MACROD2: variants seen among roughly 807,000 people sequenced by gnomAD.
MACROD2 encodes mono-ADP ribosylhydrolase 2.
Under a neutral mutation model 70.4 loss-of-function variants are expected in MACROD2, and 36 were observed. The ratio of observed to expected loss-of-function variants is 0.51; its 90% CI spans 0.39 to 0.68. MACROD2 has a LOEUF of 0.68. MACROD2 is among the 30% of genes least tolerant of loss of function. MACROD2 has a pLI of 0.00. For synonymous variants in MACROD2, 172 were observed against 178.8 expected, an observed-to-expected ratio of 0.96 and a Z score of 0.30; for missense variants, 496 against 538.4, an observed-to-expected ratio of 0.92 and a Z score of 0.78.
intron 8 of MACROD2, among the ~76,000 whole-genome samples, chr20:15,515,707 T>C (rs563869941): frequency 1.3e-5 from 2 of 152,364 alleles, no homozygotes; most frequent in Admixed American, 6.5e-5. Context: ...TGAGCATGTA[T>C]AAAGCCAGTG....
rs533840697 is a variant in MACROD2, at chr20:14,078,122, G to A, written c.164-7499G>A. 2.6e-5 allele frequency among the ~76,000 whole-genome samples: 4 copies of A among 152,074 alleles called. No individual in the cohort carries two copies. In the East Asian group the frequency reaches 5.8e-4, roughly 22 times the overall value. ...TCTCCATGTTGGTCAGGCTGATCTCGAACTTCCGAACTCAGGTGATCCGCC... is the reference window on the plus strand; with the variant it reads ...TCTCCATGTTGGTCAGGCTGATCTCAAACTTCCGAACTCAGGTGATCCGCC... On this transcript the variant is annotated intron_variant, in intron 2 of 17. Coordinates refer to ENST00000684519, the MANE Select transcript of MACROD2 (RefSeq NM_001351661.2).
At chr20:14,785,681 TG>T (rs2072361293) in intron 5 of MACROD2, among the ~76,000 whole-genome samples, 1 of 152,128 alleles carries the variant, frequency 6.6e-6, no homozygotes, top group African/African-American at 2.4e-5. Flanking sequence ...GTATTATTTT[TG>T]CTTCTTATTG....
intron 5 of MACROD2, among the ~76,000 whole-genome samples, chr20:15,132,043 A>C (rs187262085): frequency 1.3e-5 from 2 of 152,034 alleles, no homozygotes; most frequent in African/African-American, 4.8e-5. Context: ...AAACAGTTAA[A>C]TGCTAACAAA....
At chr20:14,582,899 C>A (rs1329841922) in intron 4 of MACROD2, among the ~76,000 whole-genome samples, 2 of 152,164 alleles carry the variant, frequency 1.3e-5, no homozygotes, top group African/African-American at 2.4e-5. Context: ...ATCACACTTA[C>A]TCTGGGGCAT....
At position 15,435,527 on chromosome 20, in the gene MACROD2, C is replaced by A. The variant is rs553723536; in HGVS notation, c.571+4092C>A. Reference sequence around the variant, plus strand: ...CTCTACCCACTCCATTTGAAGATCACCATGTTCCCTGTCCTCCCCAGTGTT... The same window carrying A: ...CTCTACCCACTCCATTTGAAGATCAACATGTTCCCTGTCCTCCCCAGTGTT... On this transcript the variant is annotated intron_variant, in intron 7 of 17. Transcript: ENST00000684519. Among the ~76,000 whole-genome samples the A allele has an allele frequency of 1.3e-4, 20 of 152,262 alleles. No individual in the cohort carries two copies. The South Asian group carries it at 3.7e-3, about 28-fold the overall frequency.
chr20:14,488,111 T>C (rs2084756036), intron 3 of MACROD2, among the ~76,000 whole-genome samples: 1 of 152,228 alleles, frequency 6.6e-6, no homozygotes, highest in Non-Finnish European at 1.5e-5. Context: ...TTCTCTCAAA[T>C]AAGCATATCT....
chr20:15,973,724 A>G (rs577076286), intron 13 of MACROD2, among the ~76,000 whole-genome samples: 6 of 152,252 alleles, frequency 3.9e-5, no homozygotes, highest in African/African-American at 1.4e-4. Flanking sequence ...CTTTAAAAGT[A>G]TAAAGTTAGA....
intron 2 of MACROD2, among the ~76,000 whole-genome samples, chr20:14,034,072 C>T (rs972841648): frequency 1.3e-5 from 2 of 152,036 alleles, no homozygotes; most frequent in African/African-American, 4.8e-5. Flanking sequence ...CCAGGGTTCA[C>T]GCCATTCTCC....
chr20:15,995,649 C>CATTTTTTTTT (rs2066618852), intron 15 of MACROD2, among the ~76,000 whole-genome samples: 2 of 85,508 alleles, frequency 2.3e-5, no homozygotes, highest in African/African-American at 8.4e-5. Context: ...TATGCCCGGC[C>CATTTTTTTTT]TTTTTTTTTT....
At chr20:14,983,263 C>T (rs951769129) in intron 5 of MACROD2, among the ~76,000 whole-genome samples, 3 of 152,120 alleles carry the variant, frequency 2.0e-5, no homozygotes, top group Admixed American at 1.3e-4. Context: ...GGCTCATAGG[C>T]AGAAGGGACT....
rs73898334 is a variant in MACROD2, at chr20:16,028,917, T to C, written c.1154-12284T>C. On this transcript the variant is annotated intron_variant, in intron 15 of 17. Coordinates refer to ENST00000684519, the MANE Select transcript of MACROD2 (RefSeq NM_001351661.2). ...AAGCATGGACTAAGTGTAAATCAAG[T>C]GTATCCATCTGCTCGGCTGCCATAA... 6.5e-3 allele frequency among the ~76,000 whole-genome samples: 987 copies of C among 152,270 alleles called. 13 individuals carry two copies. Among genetic ancestry groups the C allele is most frequent in the African/African-American group, 0.023 (946 of 41,550 alleles).
intron 3 of MACROD2, among the ~76,000 whole-genome samples, chr20:14,267,061 G>A (rs1348094353): frequency 1.3e-5 from 2 of 152,122 alleles, no homozygotes; most frequent in Non-Finnish European, 2.9e-5. Flanking sequence ...ATTAATGGTA[G>A]TGTCAGGTCT....
At chr20:14,026,720 G>T (rs1454016335) in intron 2 of MACROD2, among the ~76,000 whole-genome samples, 1 of 152,206 alleles carries the variant, frequency 6.6e-6, no homozygotes, top group Non-Finnish European at 1.5e-5. Context: ...TCTGCTGTTA[G>T]TCTGATGGGC....
chr20:15,880,321 A>G (rs6043590), intron 9 of MACROD2, among the ~76,000 whole-genome samples: 27,011 of 151,756 alleles, frequency 0.18, 3,225 homozygotes, highest in East Asian at 0.52. Flanking sequence ...CATCTTGATG[A>G]TTCACGTCCA....
At chr20:15,942,429 G>C (rs1175206732) in intron 12 of MACROD2, among the ~76,000 whole-genome samples, 1 of 152,172 alleles carries the variant, frequency 6.6e-6, no homozygotes, top group Non-Finnish European at 1.5e-5. Flanking sequence ...AAGCTGGCCT[G>C]GGAAAAGATT....
At chr20:15,171,157 C>G (rs1301676023) in intron 5 of MACROD2, among the ~76,000 whole-genome samples, 2 of 152,234 alleles carry the variant, frequency 1.3e-5, no homozygotes, top group South Asian at 2.1e-4. Flanking sequence ...TTCGAGGTTT[C>G]TGTTTATTGG....
At chr20:14,513,841 A>T (rs1482625643) in intron 4 of MACROD2, among the ~76,000 whole-genome samples, 1 of 152,066 alleles carries the variant, frequency 6.6e-6, no homozygotes, top group East Asian at 1.9e-4. Context: ...TCACCATTAC[A>T]TAGTTTTAGT....
chr20:15,185,024 T>G (rs2076525346), intron 5 of MACROD2, among the ~76,000 whole-genome samples: 1 of 152,152 alleles, frequency 6.6e-6, no homozygotes, highest in South Asian at 2.1e-4. Flanking sequence ...GGGGCAGATT[T>G]GAAGAAATGC....
chr20:14,187,416 AGGATTAAGAGAAACTATTT>A (rs1311117485), intron 3 of MACROD2, among the ~76,000 whole-genome samples: 6 of 152,206 alleles, frequency 3.9e-5, no homozygotes, highest in Non-Finnish European at 4.4e-5. Context: ...GGAAGAACAA[AGGATTAAGAGAAACTATTT>A]GGAAACCAGA....
Sources: gnomAD v4.1 joint callset for allele counts (sites outside exome capture counted in the v4.1 genomes callset) on GRCh38, gnomAD v4.1.1 for gene constraint, MANE v1.5 for transcripts, NCBI Gene and HGNC (gene_info 2026-07-23, HGNC 2026-07-21) for gene names.